The following VXN variants were observed in gnomAD, a reference collection of about 807,000 sequenced individuals.
VXN encodes the protein vexin, also known as uncharacterized protein C8orf46.
VXN carries 7 observed loss-of-function variants against 23.1 expected under a neutral mutation model. The observed-to-expected ratio is 0.30, with a 90% confidence interval of 0.17 to 0.57. The LOEUF is 0.57. VXN is among the 20% of genes least tolerant of loss of function. The pLI is 0.91. For synonymous variants in VXN, 120 were observed against 105.8 expected, an observed-to-expected ratio of 1.13 and a Z score of -0.83; for missense variants, 238 against 272.6, an observed-to-expected ratio of 0.87 and a Z score of 0.89.
At chr8:66,501,047 T>C (rs1807686252) in intron 2 of VXN, among the ~76,000 whole-genome samples, 2 of 152,012 alleles carry the variant, frequency 1.3e-5, no homozygotes, top group African/African-American at 2.4e-5. Context: ...TAATTTTTTT[T>C]GTATTTTTAG....
At chr8:66,493,849 T>C in intron 1 of VXN, 131 bp downstream of exon 1, 2 of 704,900 alleles carry the variant, frequency 2.8e-6, no homozygotes, top group Admixed American at 2.6e-5. Flanking sequence ...GTTTTGATGG[T>C]ATTTGATTTT....
At chr8:66,504,113 A>T (rs1035083330) in intron 2 of VXN, among the ~76,000 whole-genome samples, 4 of 151,296 alleles carry the variant, frequency 2.6e-5, no homozygotes, top group African/African-American at 9.7e-5. Context: ...AGCTAATGCC[A>T]CTCCACTCTC....
chr8:66,508,336 A>G (rs898014937), intron 3 of VXN, among the ~76,000 whole-genome samples: 11 of 152,036 alleles, frequency 7.2e-5, no homozygotes, highest in Non-Finnish European at 1.5e-4. Flanking sequence ...TGAAGGGCCC[A>G]GCCTCCAGCC....
rs770841536 is a variant in VXN at position 66,516,115 on chromosome 8, C to A, written c.*39C>A. ...CAAGTGCCCTGTGTTGGCCAAGGTTCCCCGGACAAGAGGAAAAACCTTCAG... is the reference window on the plus strand; with the variant it reads ...CAAGTGCCCTGTGTTGGCCAAGGTTACCCGGACAAGAGGAAAAACCTTCAG... On this transcript the variant is annotated 3_prime_UTR_variant, in exon 6 of 6. Coordinates refer to ENST00000305454, the MANE Select transcript of VXN (RefSeq NM_152765.4). The A allele has an allele frequency of 6.5e-7, 1 of 1,533,168 alleles. No individual in the cohort carries two copies. The allele number at this position is 1,533,168 out of a possible 1,614,324, so 95.0% of individuals were successfully genotyped here. A position where few individuals can be genotyped will look rare whatever the true frequency, so the allele number is the denominator to read the frequency against.
rs759617356 is a variant in VXN, at chr8:66,496,450, CAGA to C, written c.91_93del (p.Arg31del). 1.2e-6 allele frequency: 2 copies of C among 1,614,160 alleles called. No homozygotes were observed. The highest frequency in any genetic ancestry group is 2.2e-5 in the East Asian group (1 of 44,884). On this transcript the variant is annotated inframe_deletion, in exon 2 of 6. Transcript: ENST00000305454. ...CTGTCTTTGCAGTATCCAGTCCAGC[CAGA>C]AGAAGAGCCAAAAGCTCTCAGCACC...
intron 2 of VXN, 67 bp from the exon 3 acceptor site, chr8:66,505,308 C>CCCCA: frequency 1.3e-6 from 2 of 1,546,224 alleles, no homozygotes; most frequent in Middle Eastern, 3.3e-4. Flanking sequence ...AGCTCCTGCC[C>CCCCA]TGGGGTTCCA....
chr8:66,495,442 T>C (rs1466784665), intron 1 of VXN, among the ~76,000 whole-genome samples: 1 of 152,208 alleles, frequency 6.6e-6, no homozygotes, highest in African/African-American at 2.4e-5. Context: ...AAACAACTTA[T>C]CTTCCAGGAT....
intron 5 of VXN, among the ~76,000 whole-genome samples, chr8:66,514,930 G>A (rs963336622): frequency 6.6e-6 from 1 of 152,120 alleles, no homozygotes; most frequent in African/African-American, 2.4e-5. Flanking sequence ...AGGCTAGTGG[G>A]GAGCACTTCT....
chr8:66,498,510 C>G (rs979765126), intron 2 of VXN, among the ~76,000 whole-genome samples: 1 of 152,172 alleles, frequency 6.6e-6, no homozygotes, highest in African/African-American at 2.4e-5. Flanking sequence ...CAGTAGTCCC[C>G]CCCTTATCTG....
intron 2 of VXN, chr8:66,498,779 T>G (rs112169428): frequency 0.027 from 12,392 of 454,190 alleles, 372 homozygotes; most frequent in South Asian, 0.061. Flanking sequence ...GTGCAAAATT[T>G]AAAATCTATG....
intron 3 of VXN, among the ~76,000 whole-genome samples, chr8:66,506,151 TGG>T (rs1807754159): frequency 1.3e-5 from 2 of 151,420 alleles, no homozygotes; most frequent in South Asian, 4.2e-4. Flanking sequence ...CAGAATGCTG[TGG>T]GGGAGAGAAA....
chr8:66,496,429 C>A lies in VXN; in HGVS notation c.71-8C>A. The A allele has an allele frequency of 6.2e-7, 1 of 1,613,940 alleles. No homozygotes were observed. The highest frequency in any genetic ancestry group is 8.5e-7 in the Non-Finnish European group (1 of 1,179,796). ...TCTAAAACCATTTCTTTCTCTCTGT[C>A]TTTGCAGTATCCAGTCCAGCCAGAA... is the stretch of plus-strand genomic sequence containing the variant. On this transcript the variant is annotated splice_region_variant and splice_polypyrimidine_tract_variant and intron_variant, in intron 1 of 5. Coordinates refer to ENST00000305454, the MANE Select transcript of VXN (RefSeq NM_152765.4).
At position 66,510,801 on chromosome 8, in the gene VXN, G is replaced by C. The variant is rs76360877; in HGVS notation, c.342+644G>C. ...GAGATACCTGGCATCTCTTCCTTTT[G>C]TTATAAGGGCACTGATCTTATCATA... On this transcript the variant is annotated intron_variant, in intron 4 of 5. Transcript: ENST00000305454. Among the ~76,000 whole-genome samples the C allele has an allele frequency of 9.8e-3, 1,486 of 152,186 alleles. 22 individuals are homozygous for C. The highest frequency in any genetic ancestry group is 0.034 in the African/African-American group (1,401 of 41,500).
At chr8:66,505,037 C>A (rs1399574742) in intron 2 of VXN, among the ~76,000 whole-genome samples, 1 of 152,238 alleles carries the variant, frequency 6.6e-6, no homozygotes, top group Non-Finnish European at 1.5e-5. Flanking sequence ...CAAAACACGT[C>A]AGGCGACCGG....
chr8:66,508,647 G>C (rs1003083278), intron 3 of VXN, among the ~76,000 whole-genome samples: 2 of 152,118 alleles, frequency 1.3e-5, no homozygotes, highest in Non-Finnish European at 2.9e-5. Context: ...TCTCCTAGCC[G>C]GGGTAGAGGG....
At chr8:66,496,621 C>A in intron 2 of VXN, 129 bp downstream of exon 2, 2 of 797,788 alleles carry the variant, frequency 2.5e-6, no homozygotes, top group Non-Finnish European at 4.2e-6. Context: ...GTGGTGCGTG[C>A]TGCACTCTCC....
At chr8:66,510,396 A>G (rs552784450) in intron 4 of VXN, 2 of 477,516 alleles carry the variant, frequency 4.2e-6, no homozygotes, top group Admixed American at 3.8e-5. Flanking sequence ...TCTTAGGCAA[A>G]CAAAAGAAGC....
At chr8:66,495,111 G>A (rs1807611356) in intron 1 of VXN, 3 of 152,064 alleles carry the variant, frequency 2.0e-5, no homozygotes, top group African/African-American at 4.8e-5. Flanking sequence ...CAAAAACATA[G>A]ACCAGAAAGA....
At chr8:66,507,024 A>G (rs1463610729) in intron 3 of VXN, among the ~76,000 whole-genome samples, 1 of 152,230 alleles carries the variant, frequency 6.6e-6, no homozygotes, top group African/African-American at 2.4e-5. Flanking sequence ...TCAAATTTTA[A>G]TATGCAAAAG....
Sources: gnomAD v4.1 joint callset for allele counts (sites outside exome capture counted in the v4.1 genomes callset) on GRCh38, gnomAD v4.1.1 for gene constraint, MANE v1.5 for transcripts, NCBI Gene and HGNC (gene_info 2026-07-23, HGNC 2026-07-21) for gene names.